GABRB2: variants seen among roughly 807,000 people sequenced by gnomAD.
GABRB2 encodes the protein gamma-aminobutyric acid receptor subunit beta-2.
GABRB2 carries 16 observed loss-of-function variants against 54.7 expected under a neutral mutation model. The ratio of observed to expected loss-of-function variants is 0.29; its 90% confidence interval spans 0.20 to 0.44. GABRB2 has a LOEUF of 0.44. Among genes scored for constraint, GABRB2 ranks in the 20% least tolerant of loss-of-function variants. GABRB2 has a pLI of 1.00. For missense variants in GABRB2, 355 were observed against 644.0 expected, an observed-to-expected ratio of 0.55 and a Z score of 4.86; for synonymous variants, 244 against 233.8, an observed-to-expected ratio of 1.04 and a Z score of -0.40.
At chr5:161,355,179 A>G (rs867650729) in intron 5 of GABRB2, among the ~76,000 whole-genome samples, 2 of 151,784 alleles carry the variant, frequency 1.3e-5, no homozygotes, top group Middle Eastern at 6.8e-3. Context: ...TCATTCAGAA[A>G]TAATATTCTC....
At chr5:161,311,393 TAGA>T (rs1757864518) in intron 9 of GABRB2, among the ~76,000 whole-genome samples, 1 of 116,896 alleles carries the variant, frequency 8.6e-6, no homozygotes, top group Admixed American at 1.0e-4. Flanking sequence ...GCAACTCAGA[TAGA>T]GAAATCTAGA....
intron 4 of GABRB2, among the ~76,000 whole-genome samples, chr5:161,425,569 A>G (rs1253292473): frequency 2.0e-5 from 3 of 152,136 alleles, no homozygotes; most frequent in African/African-American, 2.4e-5. Flanking sequence ...AGAATACACT[A>G]CAGTATAGTG....
At chr5:161,501,038 T>A in intron 3 of GABRB2, among the ~76,000 whole-genome samples, 1 of 149,114 alleles carries the variant, frequency 6.7e-6, no homozygotes, top group East Asian at 2.0e-4. Flanking sequence ...CCTGTGTCCA[T>A]GTGTATTTTT....
At chr5:161,349,951 T>C (rs1322318850) in intron 5 of GABRB2, among the ~76,000 whole-genome samples, 1 of 152,118 alleles carries the variant, frequency 6.6e-6, no homozygotes, top group East Asian at 1.9e-4. Flanking sequence ...ATAAGAAATG[T>C]CTGTTTTAAG....
intron 4 of GABRB2, among the ~76,000 whole-genome samples, chr5:161,429,655 C>T (rs1177240845): frequency 6.6e-6 from 1 of 152,062 alleles, no homozygotes; most frequent in East Asian, 1.9e-4. Context: ...CTTTAAATTC[C>T]AGGCTTACTA....
chr5:161,457,296 C>A (rs1225009972), intron 4 of GABRB2, among the ~76,000 whole-genome samples: 1 of 152,072 alleles, frequency 6.6e-6, no homozygotes, highest in Non-Finnish European at 1.5e-5. Context: ...GATTATTTTC[C>A]AATGACATGA....
At chr5:161,453,672 G>A (rs1170388995) in intron 4 of GABRB2, among the ~76,000 whole-genome samples, 1 of 152,156 alleles carries the variant, frequency 6.6e-6, no homozygotes, top group Admixed American at 6.6e-5. Context: ...CTAAGACAGT[G>A]AGGATTTTGT....
chr5:161,373,250 G>A (rs770773974), intron 5 of GABRB2, among the ~76,000 whole-genome samples: 7 of 152,158 alleles, frequency 4.6e-5, no homozygotes, highest in Non-Finnish European at 7.3e-5. Context: ...AGACATGCAA[G>A]TTCTGCCTTT....
intron 5 of GABRB2, among the ~76,000 whole-genome samples, chr5:161,362,142 T>C (rs2113453576): frequency 6.6e-6 from 1 of 152,302 alleles, no homozygotes; most frequent in South Asian, 2.1e-4. Context: ...TATATATCTG[T>C]TTTGGTACCA....
At chr5:161,535,106 G>C (rs1760591735) in intron 3 of GABRB2, among the ~76,000 whole-genome samples, 1 of 152,030 alleles carries the variant, frequency 6.6e-6, no homozygotes, top group Admixed American at 6.6e-5. Context: ...AAAATTATTA[G>C]ACAAGTTAAC....
At chr5:161,400,666 G>A (rs948062581) in intron 5 of GABRB2, among the ~76,000 whole-genome samples, 2 of 152,104 alleles carry the variant, frequency 1.3e-5, no homozygotes, top group Admixed American at 6.5e-5. Context: ...TCATTTAGGC[G>A]TTAAGAAAAT....
intron 3 of GABRB2, among the ~76,000 whole-genome samples, chr5:161,506,354 A>G (rs921957247): frequency 2.0e-5 from 3 of 152,170 alleles, no homozygotes; most frequent in Non-Finnish European, 4.4e-5. Context: ...TAAAACTCCC[A>G]TTAGGCATTT....
chr5:161,505,853 G>A, intron 3 of GABRB2, among the ~76,000 whole-genome samples: 1 of 152,058 alleles, frequency 6.6e-6, no homozygotes, highest in East Asian at 1.9e-4. Flanking sequence ...TTAATATTTG[G>A]AAACTTATTT....
intron 5 of GABRB2, among the ~76,000 whole-genome samples, chr5:161,337,112 A>G (rs1754017696): frequency 6.6e-6 from 1 of 152,192 alleles, no homozygotes; most frequent in South Asian, 2.1e-4. Flanking sequence ...ACCCAGGTTT[A>G]CCTGATTAGG....
chr5:161,542,957 C>A (rs760664933), intron 3 of GABRB2, among the ~76,000 whole-genome samples: 2 of 152,088 alleles, frequency 1.3e-5, no homozygotes, highest in Non-Finnish European at 2.9e-5. Flanking sequence ...AAAAATAAAA[C>A]AAACATCACA....
chr5:161,358,127 A>T (rs1754695173), intron 5 of GABRB2, among the ~76,000 whole-genome samples: 1 of 152,222 alleles, frequency 6.6e-6, no homozygotes, highest in Non-Finnish European at 1.5e-5. Flanking sequence ...AACCACAAAG[A>T]AATCACTGAG....
chr5:161,478,139 T>C (rs770798970), intron 3 of GABRB2, among the ~76,000 whole-genome samples: 1 of 151,996 alleles, frequency 6.6e-6, no homozygotes, highest in Non-Finnish European at 1.5e-5. Flanking sequence ...AAATAAACCA[T>C]ATTAATCACA....
At chr5:161,352,118 T>C (rs1227660325) in intron 5 of GABRB2, among the ~76,000 whole-genome samples, 2 of 151,934 alleles carry the variant, frequency 1.3e-5, no homozygotes, top group Non-Finnish European at 2.9e-5. Flanking sequence ...AAATTTAATA[T>C]AGCCTATGGC....
chr5:161,343,477 T>C (rs760920608), intron 5 of GABRB2, among the ~76,000 whole-genome samples: 1 of 152,032 alleles, frequency 6.6e-6, no homozygotes, highest in African/African-American at 2.4e-5. Flanking sequence ...TTAAAGACCA[T>C]ATATCTATTA....
Sources: gnomAD v4.1 joint callset for allele counts (sites outside exome capture counted in the v4.1 genomes callset) on GRCh38, gnomAD v4.1.1 for gene constraint, MANE v1.5 for transcripts, NCBI Gene and HGNC (gene_info 2026-07-23, HGNC 2026-07-21) for gene names.